Variants in BMPER observed in about 807,000 individuals in gnomAD.
The protein encoded by BMPER is BMP binding endothelial regulator, also known as BMP-binding endothelial regulator protein.
A neutral mutation model predicts 87.3 loss-of-function variants in BMPER; 45 were observed. The observed-to-expected ratio is 0.52, with a 90% CI of 0.41 to 0.66. BMPER has a LOEUF of 0.66. BMPER is among the 30% of genes least tolerant of loss of function. The probability of loss-of-function intolerance (pLI) is 0.00; values close to 1 mark genes in which losing one functional copy is unlikely to be tolerated. For missense variants in BMPER, 784 were observed against 867.5 expected (o/e 0.90, Z 1.21); for synonymous variants, 326 against 316.2 (o/e 1.03, Z -0.33).
intron 11 of BMPER, among the ~76,000 whole-genome samples, chr7:34,067,458 G>T (rs1788623191): frequency 6.6e-6 from 1 of 152,138 alleles, no homozygotes; most frequent in African/African-American, 2.4e-5. Context: ...ACTGACAGAG[G>T]TTCTGCAAAT....
intron 6 of BMPER, among the ~76,000 whole-genome samples, chr7:34,006,173 G>T (rs1786729045): frequency 6.6e-6 from 1 of 151,992 alleles, no homozygotes; most frequent in South Asian, 2.1e-4. Flanking sequence ...TAACAGCTAA[G>T]ATAATGGCCA....
Position 34,095,558 on chromosome 7 carries a change from G to C in BMPER, c.1745+9466G>C, listed in dbSNP as rs562756272. 2.6e-5 allele frequency among the ~76,000 whole-genome samples: 4 copies of C among 152,150 alleles called. No individual in the cohort carries two copies. The East Asian group carries it at 7.7e-4, about 29-fold the overall frequency. On this transcript the variant is annotated intron_variant, in intron 13 of 14. Coordinates refer to ENST00000649409, the MANE Select transcript of BMPER (RefSeq NM_001365308.1). Reference sequence around the variant, plus strand: ...TCATTGGATGGAGAAAATAATGTTAGTTCATTTTGTATGCAAATGAAATAT... The same window carrying C: ...TCATTGGATGGAGAAAATAATGTTACTTCATTTTGTATGCAAATGAAATAT...
intron 6 of BMPER, among the ~76,000 whole-genome samples, chr7:33,997,742 C>T (rs1304370710): frequency 6.6e-6 from 1 of 152,146 alleles, no homozygotes; most frequent in Admixed American, 6.5e-5. Flanking sequence ...CACGTTCTCA[C>T]CTCAGTTCTT....
At chr7:34,010,899 T>G (rs543098779) in intron 6 of BMPER, among the ~76,000 whole-genome samples, 15 of 151,910 alleles carry the variant, frequency 9.9e-5, no homozygotes, top group Non-Finnish European at 2.1e-4. Context: ...GCCTAGCATG[T>G]TTTTCTGAAA....
At chr7:34,013,463 T>G (rs2127942369) in intron 6 of BMPER, among the ~76,000 whole-genome samples, 1 of 152,032 alleles carries the variant, frequency 6.6e-6, no homozygotes, top group Non-Finnish European at 1.5e-5. Context: ...ATTTTATCTT[T>G]AAAATTTTAA....
chr7:34,096,490 T>C (rs1789535365), intron 13 of BMPER, among the ~76,000 whole-genome samples: 1 of 152,204 alleles, frequency 6.6e-6, no homozygotes, highest in East Asian at 1.9e-4. Flanking sequence ...GATGGGGGCA[T>C]GTGCAAATAC....
At chr7:33,959,527 G>C (rs1785220433) in intron 3 of BMPER, among the ~76,000 whole-genome samples, 1 of 152,148 alleles carries the variant, frequency 6.6e-6, no homozygotes, top group Non-Finnish European at 1.5e-5. Context: ...GCTGAAGATA[G>C]GATGGTTTTT....
intron 6 of BMPER, among the ~76,000 whole-genome samples, chr7:34,000,109 T>C (rs1036066457): frequency 2.6e-5 from 4 of 152,190 alleles, no homozygotes; most frequent in Non-Finnish European, 5.9e-5. Context: ...AATAATCACA[T>C]GTCGAGTGCA....
chr7:34,056,809 G>A (rs759238004), intron 9 of BMPER, among the ~76,000 whole-genome samples: 8 of 152,002 alleles, frequency 5.3e-5, no homozygotes, highest in Non-Finnish European at 1.0e-4. Context: ...GTAGAGATGG[G>A]ATATTGCCAT....
chr7:33,992,608 T>G (rs1175011911), intron 6 of BMPER, among the ~76,000 whole-genome samples: 1 of 149,084 alleles, frequency 6.7e-6, no homozygotes, highest in African/African-American at 2.5e-5. Context: ...GAGCATTTAG[T>G]CCATTTACAT....
At chr7:34,133,612 G>A (rs1029754245) in intron 13 of BMPER, among the ~76,000 whole-genome samples, 59 of 152,174 alleles carry the variant, frequency 3.9e-4, no homozygotes, top group African/African-American at 1.3e-3. Context: ...TGGAAACTCC[G>A]ATTTATAAAC....
At chr7:33,928,336 G>T (rs1784407448) in intron 2 of BMPER, among the ~76,000 whole-genome samples, 1 of 152,096 alleles carries the variant, frequency 6.6e-6, no homozygotes, top group African/African-American at 2.4e-5. Context: ...TCGATCCCTG[G>T]CTCTGCGTGT....
At chr7:34,074,004 G>A (rs940569245) in intron 11 of BMPER, among the ~76,000 whole-genome samples, 2 of 152,236 alleles carry the variant, frequency 1.3e-5, no homozygotes, top group Admixed American at 1.3e-4. Context: ...GGTAGCACTG[G>A]CTGTGGGTTT....
chr7:34,049,317 A>G (rs1037427104), intron 7 of BMPER, among the ~76,000 whole-genome samples: 1 of 152,182 alleles, frequency 6.6e-6, no homozygotes. Context: ...AGAGCTTTAT[A>G]TTCACAATTT....
chr7:34,089,160 A>T (rs1465326522), intron 13 of BMPER, among the ~76,000 whole-genome samples: 1 of 152,114 alleles, frequency 6.6e-6, no homozygotes, highest in Admixed American at 6.5e-5. Flanking sequence ...TTGAGCCCTT[A>T]CAAGACTCAA....
intron 3 of BMPER, among the ~76,000 whole-genome samples, chr7:33,946,240 C>A (rs1269415972): frequency 6.6e-6 from 1 of 152,032 alleles, no homozygotes; most frequent in Non-Finnish European, 1.5e-5. Flanking sequence ...GGGGAAACTG[C>A]CCCCCATGAT....
chr7:33,938,218 A>G (rs767831706), intron 3 of BMPER, among the ~76,000 whole-genome samples: 1 of 152,172 alleles, frequency 6.6e-6, no homozygotes. Flanking sequence ...AGGCAACATT[A>G]GCCCAGTGTT....
intron 2 of BMPER, among the ~76,000 whole-genome samples, chr7:33,917,413 T>C (rs939904706): frequency 1.4e-4 from 21 of 152,318 alleles, no homozygotes; most frequent in East Asian, 9.7e-4. Flanking sequence ...TCTTTCTTTT[T>C]TTTAATGTTA....
intron 3 of BMPER, among the ~76,000 whole-genome samples, chr7:33,952,382 C>T (rs1338476652): frequency 6.6e-6 from 1 of 152,138 alleles, no homozygotes; most frequent in African/African-American, 2.4e-5. Flanking sequence ...TGCTTATCAT[C>T]TCAAAGTGTT....
Sources: gnomAD v4.1 joint callset for allele counts (sites outside exome capture counted in the v4.1 genomes callset) on GRCh38, gnomAD v4.1.1 for gene constraint, MANE v1.5 for transcripts, NCBI Gene and HGNC (gene_info 2026-07-23, HGNC 2026-07-21) for gene names.